NRG1: variants seen among roughly 807,000 people sequenced by gnomAD.
NRG1 encodes the protein pro-neuregulin-1, membrane-bound isoform.
In NRG1, 18 loss-of-function variants were observed where a neutral mutation model predicts 63.8. The observed-to-expected ratio is 0.28, with a 90% CI of 0.19 to 0.42. The LOEUF (loss-of-function observed/expected upper bound fraction) is 0.42, where lower values mean the gene tolerates loss of function less well. Ranked by LOEUF, NRG1 falls within the 10% of genes least tolerant of loss-of-function variation. The probability of loss-of-function intolerance (pLI) is 1.00; values close to 1 mark genes in which losing one functional copy is unlikely to be tolerated. For synonymous variants in NRG1, 302 were observed against 301.3 expected, an observed-to-expected ratio of 1.00 and a Z score of -0.02; for missense variants, 762 against 814.7, an observed-to-expected ratio of 0.94 and a Z score of 0.79.
intron 1 of NRG1, among the ~76,000 whole-genome samples, chr8:32,113,973 C>T (rs1042064266): frequency 6.6e-6 from 1 of 152,164 alleles, no homozygotes; most frequent in Non-Finnish European, 1.5e-5. Flanking sequence ...ATTGTAGAAA[C>T]TATTGTTGCC....
In NRG1 at chr8:32,087,797, T is replaced by G. The variant is rs565151175; in HGVS notation, c.37+448366T>G. On this transcript the variant is annotated intron_variant, in intron 1 of 10. Coordinates refer to the NRG1 transcript ENST00000519301. Reference sequence around the variant, plus strand: ...TTTCTTTATAGTAATGCAAATGGCCTAACACACTTATGTAAGTGAAATCAT... The same window carrying G: ...TTTCTTTATAGTAATGCAAATGGCCGAACACACTTATGTAAGTGAAATCAT... Among the ~76,000 whole-genome samples the G allele has an allele frequency of 6.6e-5, 10 of 152,310 alleles. No individual in the cohort carries two copies. In the East Asian group the frequency reaches 1.9e-3, roughly 29 times the overall value.
chr8:32,473,164 T>C (rs1824059544), intron 1 of NRG1, among the ~76,000 whole-genome samples: 2 of 152,242 alleles, frequency 1.3e-5, no homozygotes. Flanking sequence ...TATGTACATG[T>C]GTACAGTGGT....
Position 31,821,357 on chromosome 8 carries a change from G to T in NRG1, c.37+181926G>T, listed in dbSNP as rs539290152. Among the ~76,000 whole-genome samples, 24 of 152,272 alleles carry T rather than the reference G, an allele frequency of 1.6e-4. No individual in the cohort carries two copies. The East Asian group carries it at 4.6e-3, about 29-fold the overall frequency. ...TGAAAGGCACACTGTGTAATTGAAT[G>T]CTAAGGCCAATTCTTTACCTCTGAT... is the stretch of plus-strand genomic sequence containing the variant. On this transcript the variant is annotated intron_variant, in intron 1 of 10. Coordinates refer to the NRG1 transcript ENST00000519301.
At chr8:32,392,431 T>C (rs960937472) in intron 1 of NRG1, among the ~76,000 whole-genome samples, 4 of 152,270 alleles carry the variant, frequency 2.6e-5, no homozygotes, top group Non-Finnish European at 2.9e-5. Flanking sequence ...ACTTTTTGAA[T>C]GTTGTATGCC....
intron 1 of NRG1, among the ~76,000 whole-genome samples, chr8:31,755,207 C>T (rs1336684715): frequency 6.6e-6 from 1 of 152,122 alleles, no homozygotes. Context: ...GTGGCCTTAT[C>T]TGTACCATAG....
chr8:32,642,313 A>C (rs999571684), intron 5 of NRG1, among the ~76,000 whole-genome samples: 8 of 152,256 alleles, frequency 5.3e-5, no homozygotes, highest in African/African-American at 1.9e-4. Flanking sequence ...TCAAATACTG[A>C]TAGTCTTTGC....
intron 1 of NRG1, among the ~76,000 whole-genome samples, chr8:31,829,457 G>A (rs140609361): frequency 1.8e-4 from 27 of 152,252 alleles, no homozygotes; most frequent in African/African-American, 6.5e-4. Flanking sequence ...CATAGCATGC[G>A]GAATGGCAGA....
At chr8:31,802,765 G>T (rs184044488) in intron 1 of NRG1, among the ~76,000 whole-genome samples, 1 of 152,312 alleles carries the variant, frequency 6.6e-6, no homozygotes, top group East Asian at 1.9e-4. Flanking sequence ...AATAGCATTT[G>T]AGTGATTGAA....
intron 1 of NRG1, among the ~76,000 whole-genome samples, chr8:32,507,193 T>G (rs1828639503): frequency 6.6e-6 from 1 of 152,116 alleles, no homozygotes; most frequent in African/African-American, 2.4e-5. Context: ...TGCCTCTTAC[T>G]AAATAGTTGT....
rs537675000 is a variant in NRG1 at position 31,805,914 on chromosome 8, A to G, written c.37+166483A>G. ...ATAATAACTATGCTAGTATTTCTGC[A>G]TAGTATTCTTAAAGAATTCTGACTG... is the stretch of plus-strand genomic sequence containing the variant. On this transcript the variant is annotated intron_variant, in intron 1 of 10. Coordinates refer to the NRG1 transcript ENST00000519301. Among the ~76,000 whole-genome samples the G allele has an allele frequency of 5.9e-5, 9 of 152,108 alleles. No individual in the cohort carries two copies. In the South Asian group the frequency reaches 1.5e-3, roughly 25 times the overall value.
chr8:31,730,347 G>A (rs1041574300), intron 1 of NRG1, among the ~76,000 whole-genome samples: 1 of 152,002 alleles, frequency 6.6e-6, no homozygotes, highest in African/African-American at 2.4e-5. Context: ...TGCCAGGCTG[G>A]GGATATAAAT....
chr8:32,545,774 A>G (rs572321540), upstream of NRG1, among the ~76,000 whole-genome samples: 39 of 152,314 alleles, frequency 2.6e-4, no homozygotes, highest in African/African-American at 8.7e-4. Context: ...TTTTGGACTG[A>G]GCCTTGAATT....
At chr8:32,669,276 T>C (rs1300874307) in intron 5 of NRG1, among the ~76,000 whole-genome samples, 1 of 152,212 alleles carries the variant, frequency 6.6e-6, no homozygotes, top group Non-Finnish European at 1.5e-5. Flanking sequence ...ATTTTCCCCA[T>C]TGATATTGAT....
chr8:32,705,969 A>C (rs1030824066), intron 5 of NRG1, among the ~76,000 whole-genome samples: 18 of 152,350 alleles, frequency 1.2e-4, no homozygotes, highest in Admixed American at 1.0e-3. Context: ...ATTTCTTTTT[A>C]AAAATTGTGG....
chr8:32,023,727 C>A (rs1816807980), intron 1 of NRG1, among the ~76,000 whole-genome samples: 1 of 152,248 alleles, frequency 6.6e-6, no homozygotes. Flanking sequence ...AGTGGAGAAA[C>A]CAACACTCAG....
intron 1 of NRG1, among the ~76,000 whole-genome samples, chr8:32,186,273 C>T (rs1263654540): frequency 3.9e-5 from 6 of 151,968 alleles, no homozygotes; most frequent in African/African-American, 1.5e-4. Flanking sequence ...ACCATCCTGG[C>T]TAACACAGTG....
At chr8:31,901,334 ACTT>A (rs536584232) in intron 1 of NRG1, among the ~76,000 whole-genome samples, 7 of 152,176 alleles carry the variant, frequency 4.6e-5, no homozygotes, top group Non-Finnish European at 7.3e-5. Context: ...GAGGAAAACT[ACTT>A]CTTAAGACAA....
chr8:32,209,647 A>C (rs1031095737), intron 1 of NRG1, among the ~76,000 whole-genome samples: 9 of 152,202 alleles, frequency 5.9e-5, no homozygotes. Context: ...GCTTTTATCA[A>C]ATGAGCAAAC....
intron 5 of NRG1, chr8:32,647,976 A>AGCCTCT: frequency 6.2e-7 from 1 of 1,614,168 alleles, no homozygotes; most frequent in Non-Finnish European, 8.5e-7. Flanking sequence ...TTGCCTGGTC[A>AGCCTCT]GCCTCTGCCT....
Sources: allele counts gnomAD v4.1 joint callset (sites outside exome capture counted in the v4.1 genomes callset), GRCh38; gene constraint gnomAD v4.1.1; transcripts MANE v1.5; gene names NCBI Gene and HGNC (gene_info 2026-07-23, HGNC 2026-07-21).